PRUNE2: variants seen among roughly 807,000 people sequenced by gnomAD.
The protein encoded by PRUNE2 is protein prune homolog 2.
Under a neutral mutation model 252.0 loss-of-function variants are expected in PRUNE2, and 164 were observed. The observed-to-expected ratio is 0.65, with a 90% CI of 0.57 to 0.74. PRUNE2 has a LOEUF of 0.74. Among genes scored for constraint, PRUNE2 ranks in the 30% least tolerant of loss-of-function variants. The pLI is 0.00. For synonymous variants in PRUNE2, 1,292 were observed against 1,350.2 expected (o/e 0.96, Z 0.94); for missense variants, 3,495 against 3,711.0 (o/e 0.94, Z 1.51).
chr9:76,711,655 A>G (rs2046741446), intron 7 of PRUNE2, among the ~76,000 whole-genome samples: 1 of 152,198 alleles, frequency 6.6e-6, no homozygotes, highest in African/African-American at 2.4e-5. Flanking sequence ...ATATAATACC[A>G]TCTTCCAATA....
rs9785198 is a variant in PRUNE2 at position 76,889,158 on chromosome 9, A to C, written c.36+16770T>G. On this transcript the variant is annotated intron_variant, in intron 1 of 18. Transcript: ENST00000376718. ...GACCCCACCGTGCCCGGTCGTTTTA[A>C]CGTATTTATGGTCCTTCCTTGCTGC... Among the ~76,000 whole-genome samples, 1,469 of 151,950 alleles carry C rather than the reference A, an allele frequency of 9.7e-3. 21 individuals are homozygous for C. Among genetic ancestry groups the C allele is most frequent in the African/African-American group, 0.033 (1,376 of 41,422 alleles).
intron 6 of PRUNE2, among the ~76,000 whole-genome samples, chr9:76,765,605 C>T (rs1277988797): frequency 1.3e-5 from 2 of 152,152 alleles, no homozygotes. Flanking sequence ...ACTATCTATC[C>T]ATCCATCTAT....
chr9:76,718,512 C>G (rs141181856), intron 6 of PRUNE2, among the ~76,000 whole-genome samples: 1 of 151,996 alleles, frequency 6.6e-6, no homozygotes, highest in Non-Finnish European at 1.5e-5. Flanking sequence ...ATGAGATTGA[C>G]CCTCCCTCTG....
Position 76,686,467 on chromosome 9 carries a change from T to A in PRUNE2, c.8276+16870A>T, listed in dbSNP as rs983980075. On this transcript the variant is annotated intron_variant, in intron 9 of 18. Transcript: ENST00000376718. Reference sequence around the variant, plus strand: ...TCTTTTGTTTTTATTTTTGTTTTTATTTTTTTGTGACAGGGTCTCACTCTG... The same window carrying A: ...TCTTTTGTTTTTATTTTTGTTTTTAATTTTTTGTGACAGGGTCTCACTCTG... Among the ~76,000 whole-genome samples the A allele has an allele frequency of 2.0e-5, 3 of 152,196 alleles. No individual in the cohort carries two copies. The East Asian group carries it at 5.8e-4, about 29-fold the overall frequency.
Position 76,706,496 on chromosome 9 carries a change from T to G in PRUNE2, c.5778A>C (p.Val1926=), listed in dbSNP as rs1242836446. The G allele has an allele frequency of 6.2e-7, 1 of 1,614,020 alleles. No individual in the cohort carries two copies. Among genetic ancestry groups the G allele is most frequent in the Admixed American group, 1.7e-5 (1 of 60,022 alleles). The change falls in exon 8 of 19, where the codon GTA becomes GTC. Residue 1926 remains valine (V), a synonymous_variant. Coordinates refer to ENST00000376718, the MANE Select transcript of PRUNE2 (RefSeq NM_015225.3). ...DPDADKFSQL[V]KLDQIKEKDS... ...CCTTTTCTTTAATTTGGTCTAATTT[T>G]ACAAGCTGGCTGAACTTGTCAGCAT...
intron 6 of PRUNE2, among the ~76,000 whole-genome samples, chr9:76,755,096 T>C (rs1179294313): frequency 1.3e-5 from 2 of 151,942 alleles, no homozygotes; most frequent in Non-Finnish European, 2.9e-5. Context: ...ATTAAACAGA[T>C]ACTTATTGGA....
chr9:76,643,720 G>C (rs1262623578), intron 12 of PRUNE2, among the ~76,000 whole-genome samples: 1 of 152,244 alleles, frequency 6.6e-6, no homozygotes, highest in Non-Finnish European at 1.5e-5. Flanking sequence ...ACAGTGGTCA[G>C]GTTCCCTGGG....
chr9:76,741,120 T>G (rs967697524), intron 6 of PRUNE2, among the ~76,000 whole-genome samples: 1 of 152,216 alleles, frequency 6.6e-6, no homozygotes, highest in Non-Finnish European at 1.5e-5. Context: ...GCTAATCATA[T>G]ACAAATATGG....
intron 4 of PRUNE2, among the ~76,000 whole-genome samples, chr9:76,839,442 G>A (rs934035270): frequency 2.6e-5 from 4 of 152,130 alleles, no homozygotes; most frequent in East Asian, 1.9e-4. Context: ...AGGAGGGAAC[G>A]GCTTATGTAA....
chr9:76,788,489 T>TG (rs745755072), intron 6 of PRUNE2: 17 of 723,424 alleles, frequency 2.3e-5, no homozygotes, highest in Non-Finnish European at 3.9e-5. Flanking sequence ...AAGGCGTCTC[T>TG]ATTCACCAGC....
chr9:76,626,977 C>T (rs1034177400), intron 16 of PRUNE2, among the ~76,000 whole-genome samples: 1 of 152,180 alleles, frequency 6.6e-6, no homozygotes, highest in East Asian at 1.9e-4. Context: ...TCTATTGCCT[C>T]TGTCACACCA....
At position 76,707,156 on chromosome 9, in the gene PRUNE2, G is replaced by A. The variant is rs1380919560; in HGVS notation, c.5118C>T (p.Asn1706=). The part of the protein sequence containing the change: ...ESIEEEIQVA[N]CHVAEDESRA... ...TGGATTCATCCTCAGCAACGTGGCAGTTGGCCACCTGGATCTCTTCCTCTA... is the reference window on the plus strand; with the variant it reads ...TGGATTCATCCTCAGCAACGTGGCAATTGGCCACCTGGATCTCTTCCTCTA... The change falls in exon 8 of 19, where the codon AAC becomes AAT. Residue 1706 remains asparagine, a synonymous_variant. Coordinates refer to ENST00000376718, the MANE Select transcript of PRUNE2 (RefSeq NM_015225.3). 1.2e-6 allele frequency: 2 copies of A among 1,613,942 alleles called. No homozygotes were observed. Among genetic ancestry groups the A allele is most frequent in the South Asian group, 1.1e-5 (1 of 91,078 alleles).
chr9:76,870,654 C>T (rs1161713306), intron 1 of PRUNE2, among the ~76,000 whole-genome samples: 1 of 150,852 alleles, frequency 6.6e-6, no homozygotes, highest in African/African-American at 2.5e-5. Flanking sequence ...CCACTGCACT[C>T]CAGCCTGGGT....
intron 6 of PRUNE2, among the ~76,000 whole-genome samples, chr9:76,731,481 C>T (rs2048602551): frequency 6.6e-6 from 1 of 151,888 alleles, no homozygotes; most frequent in South Asian, 2.1e-4. Context: ...ACCACTATAC[C>T]CAGCTAATTT....
At chr9:76,850,742 G>T in intron 2 of PRUNE2, 77 bp from the exon 3 acceptor site, 1 of 1,106,354 alleles carries the variant, frequency 9.0e-7, no homozygotes, top group Non-Finnish European at 1.4e-6. Flanking sequence ...CCAGCCTGGG[G>T]GTAACTGGTA....
chr9:76,783,196 G>A (rs1333223533), intron 6 of PRUNE2, among the ~76,000 whole-genome samples: 1 of 152,192 alleles, frequency 6.6e-6, no homozygotes, highest in African/African-American at 2.4e-5. Flanking sequence ...GAGTGCAATG[G>A]CACAATTACA....
chr9:76,695,596 G>C (rs2045308057), intron 9 of PRUNE2, among the ~76,000 whole-genome samples: 1 of 152,176 alleles, frequency 6.6e-6, no homozygotes, highest in Admixed American at 6.5e-5. Flanking sequence ...CTTGAGAAAA[G>C]AAAGATGCAT....
At chr9:76,664,215 C>T (rs1295905957) in intron 9 of PRUNE2, among the ~76,000 whole-genome samples, 1 of 152,172 alleles carries the variant, frequency 6.6e-6, no homozygotes, top group Non-Finnish European at 1.5e-5. Flanking sequence ...TCTTGGGTCT[C>T]TCAGTCTGGG....
At chr9:76,867,916 A>T (rs1239942353) in intron 1 of PRUNE2, among the ~76,000 whole-genome samples, 4 of 152,068 alleles carry the variant, frequency 2.6e-5, no homozygotes, top group Non-Finnish European at 4.4e-5. Context: ...TGTTATTCCT[A>T]GGCTCTTGTG....
Sources: allele counts gnomAD v4.1 joint callset (sites outside exome capture counted in the v4.1 genomes callset), GRCh38; gene constraint gnomAD v4.1.1; transcripts MANE v1.5; gene names NCBI Gene and HGNC (gene_info 2026-07-23, HGNC 2026-07-21).